The following TMEM260 variants were observed in gnomAD, a reference collection of about 807,000 sequenced individuals.
TMEM260 encodes the protein transmembrane protein 260, also known as protein O-mannosyl-transferase TMEM260.
TMEM260 carries 82 observed loss-of-function variants against 88.9 expected under a neutral mutation model. The observed-to-expected ratio is 0.92, with a 90% confidence interval of 0.77 to 1.11. The LOEUF is 1.11. Ranked by LOEUF, TMEM260 falls within the 50% of genes least tolerant of loss-of-function variation. The probability of loss-of-function intolerance (pLI) is 0.00; values close to 1 mark genes in which losing one functional copy is unlikely to be tolerated. For missense variants in TMEM260, 902 were observed against 853.4 expected, an observed-to-expected ratio of 1.06 and a Z score of -0.71; for synonymous variants, 314 against 309.3, an observed-to-expected ratio of 1.02 and a Z score of -0.16.
intron 5 of TMEM260, among the ~76,000 whole-genome samples, chr14:56,607,602 G>GTC (rs1886990578): frequency 1.3e-5 from 2 of 152,040 alleles, no homozygotes; most frequent in Non-Finnish European, 2.9e-5. Flanking sequence ...CTTTTAAAAA[G>GTC]TCCGTGTTTG....
chr14:56,632,370 G>T (rs1209865071), intron 12 of TMEM260, among the ~76,000 whole-genome samples: 1 of 152,092 alleles, frequency 6.6e-6, no homozygotes, highest in African/African-American at 2.4e-5. Context: ...TAGAGAGAAG[G>T]GCTCCCCTCT....
intron 15 of TMEM260, among the ~76,000 whole-genome samples, chr14:56,641,759 T>A (rs571793742): frequency 7.9e-5 from 12 of 152,176 alleles, no homozygotes; most frequent in African/African-American, 1.2e-4. Flanking sequence ...GTGTGCTGTA[T>A]TCAGGAAACC....
chr14:56,639,604 A>G (rs1461172896), intron 15 of TMEM260, among the ~76,000 whole-genome samples: 1 of 152,188 alleles, frequency 6.6e-6, no homozygotes, highest in Non-Finnish European at 1.5e-5. Context: ...TGCATTTCCA[A>G]CTGAGGTACC....
At chr14:56,620,618 A>T (rs1160954604) in intron 10 of TMEM260, among the ~76,000 whole-genome samples, 2 of 152,198 alleles carry the variant, frequency 1.3e-5, no homozygotes, top group African/African-American at 4.8e-5. Flanking sequence ...AATGTGCCTC[A>T]TCACTCTGCA....
chr14:56,629,845 G>A (rs1032577082), intron 12 of TMEM260, among the ~76,000 whole-genome samples: 30 of 152,002 alleles, frequency 2.0e-4, no homozygotes, highest in African/African-American at 6.5e-4. Context: ...GACCAACCTT[G>A]ACTACATAGG....
downstream of TMEM260, among the ~76,000 whole-genome samples, chr14:56,655,122 T>A (rs1050233381): frequency 6.6e-6 from 1 of 152,158 alleles, no homozygotes; most frequent in Admixed American, 6.5e-5. Flanking sequence ...CCGGGCGTGG[T>A]GGCTCACTCC....
intron 15 of TMEM260, among the ~76,000 whole-genome samples, chr14:56,637,545 C>G (rs1385705877): frequency 6.6e-6 from 1 of 152,198 alleles, no homozygotes; most frequent in African/African-American, 2.4e-5. Context: ...CTGGCCACTT[C>G]AGACACTTGC....
chr14:56,597,803 A>AT (rs1594824579), intron 3 of TMEM260, among the ~76,000 whole-genome samples: 1 of 152,174 alleles, frequency 6.6e-6, no homozygotes, highest in East Asian at 1.9e-4. Flanking sequence ...AATTGGCAGG[A>AT]TGTGTTATTT....
At chr14:56,592,283 G>A (rs984035601) in intron 3 of TMEM260, among the ~76,000 whole-genome samples, 2 of 152,252 alleles carry the variant, frequency 1.3e-5, no homozygotes, top group African/African-American at 4.8e-5. Context: ...CAGTGGTGAT[G>A]GCTTCACAGA....
the TMEM260 span, among the ~76,000 whole-genome samples, chr14:56,660,921 T>C: frequency 1.3e-5 from 2 of 152,168 alleles, no homozygotes; most frequent in Non-Finnish European, 2.9e-5. Flanking sequence ...CCAAACACAG[T>C]CTCCTGCCTC....
rs76167209 is a variant in TMEM260 at position 56,598,026 on chromosome 14, G to A, written c.345-5789G>A. 3.1e-3 allele frequency among the ~76,000 whole-genome samples: 474 copies of A among 152,252 alleles called. 2 individuals carry two copies. Among genetic ancestry groups the A allele is most frequent in the Non-Finnish European group, 5.1e-3 (349 of 68,022 alleles). On this transcript the variant is annotated intron_variant, in intron 3 of 15. Coordinates refer to ENST00000261556, the MANE Select transcript of TMEM260 (RefSeq NM_017799.4). ...CTGGCATTGGGGTGTACCATAGTTG[G>A]TTGGAGATATTTAAGTCCAACAGTA...
chr14:56,649,760 T>C (rs1224522890), downstream of TMEM260, among the ~76,000 whole-genome samples: 2 of 152,204 alleles, frequency 1.3e-5, no homozygotes, highest in Admixed American at 6.5e-5. Context: ...TATAGAGATA[T>C]GTGTATGGCT....
intron 15 of TMEM260, among the ~76,000 whole-genome samples, chr14:56,644,725 A>G (rs1405083566): frequency 1.3e-5 from 2 of 151,936 alleles, no homozygotes; most frequent in Non-Finnish European, 2.9e-5. Flanking sequence ...AACCTACAGA[A>G]TGGGAGAAAA....
intron 5 of TMEM260, among the ~76,000 whole-genome samples, chr14:56,608,088 C>T (rs17091796): frequency 6.6e-6 from 1 of 152,168 alleles, no homozygotes; most frequent in Non-Finnish European, 1.5e-5. Context: ...ATTTTTTATG[C>T]ATCTCATTAC....
intron 5 of TMEM260, among the ~76,000 whole-genome samples, chr14:56,606,867 C>G (rs138292032): frequency 6.6e-6 from 1 of 152,216 alleles, no homozygotes; most frequent in African/African-American, 2.4e-5. Flanking sequence ...TGCGCTCCAG[C>G]CTGGGTGACA....
intron 15 of TMEM260, among the ~76,000 whole-genome samples, chr14:56,642,097 C>A (rs955974339): frequency 9.9e-5 from 15 of 152,214 alleles, no homozygotes; most frequent in African/African-American, 2.4e-4. Context: ...TAGACAGATC[C>A]ATGAGACAGA....
intron 15 of TMEM260, among the ~76,000 whole-genome samples, chr14:56,642,130 A>G (rs1889641449): frequency 6.6e-6 from 1 of 152,202 alleles, no homozygotes; most frequent in Non-Finnish European, 1.5e-5. Context: ...ATATCCAGGA[A>G]TTGAACTCAG....
At position 56,585,879 on chromosome 14, in the gene TMEM260, T is replaced by A. The variant is rs1316322817; in HGVS notation, c.311T>A (p.Val104Glu). Residue 104 changes from valine to glutamate, a missense_variant, in exon 3 of 16, where the codon GTA (valine) becomes GAA (glutamate). Transcript: ENST00000261556. The part of the protein sequence containing the change: ...VNLLCGLFGA[V>E]AASLLFFTVF... ...CTTCTCTGTGGCTTATTTGGAGCAG[T>A]AGCTGCATCATTACTTTTTTTCACC... The A allele has an allele frequency of 6.2e-7, 1 of 1,613,040 alleles. No homozygotes were observed. Among genetic ancestry groups the A allele is most frequent in the Non-Finnish European group, 8.5e-7 (1 of 1,179,606 alleles).
intron 11 of TMEM260, among the ~76,000 whole-genome samples, chr14:56,623,003 G>A (rs1454773772): frequency 6.6e-6 from 1 of 152,152 alleles, no homozygotes; most frequent in Non-Finnish European, 1.5e-5. Flanking sequence ...GTCAGCTCCT[G>A]TAGTTGAGAA....
Sources: gnomAD v4.1 joint callset for allele counts (sites outside exome capture counted in the v4.1 genomes callset) on GRCh38, gnomAD v4.1.1 for gene constraint, MANE v1.5 for transcripts, NCBI Gene and HGNC (gene_info 2026-07-23, HGNC 2026-07-21) for gene names.